Variants in TMEM178B observed in about 807,000 individuals in gnomAD.
TMEM178B encodes the protein transmembrane protein 178B.
Under a neutral mutation model 31.0 loss-of-function variants are expected in TMEM178B, and 5 were observed. The ratio of observed to expected loss-of-function variants is 0.16; its 90% CI spans 0.08 to 0.34. The LOEUF (loss-of-function observed/expected upper bound fraction) is 0.34. Ranked by LOEUF, TMEM178B falls within the 10% of genes least tolerant of loss-of-function variation. TMEM178B has a pLI of 1.00. For synonymous variants in TMEM178B, 164 were observed against 164.0 expected (o/e 1.00, Z 0.00); for missense variants, 275 against 400.3 (o/e 0.69, Z 2.67).
chr7:141,254,195 A>T (rs1006842587), intron 2 of TMEM178B, among the ~76,000 whole-genome samples: 3 of 152,136 alleles, frequency 2.0e-5, no homozygotes, highest in Admixed American at 2.0e-4. Flanking sequence ...TTTGATTGGC[A>T]TCTGAGGATG....
intron 2 of TMEM178B, among the ~76,000 whole-genome samples, chr7:141,331,323 G>A (rs182655812): frequency 1.9e-4 from 29 of 152,326 alleles, no homozygotes; most frequent in Non-Finnish European, 2.6e-4. Flanking sequence ...AAGACGCAAA[G>A]GTGATCAGGG....
At chr7:141,159,067 C>G (rs1796123228) in intron 1 of TMEM178B, among the ~76,000 whole-genome samples, 1 of 152,068 alleles carries the variant, frequency 6.6e-6, no homozygotes, top group South Asian at 2.1e-4. Flanking sequence ...CACCATGCAT[C>G]CAGGGACTCA....
Position 141,254,526 on chromosome 7 carries a change from C to T in TMEM178B, c.496+41822C>T, listed in dbSNP as rs182885379. Among the ~76,000 whole-genome samples, 323 of 152,088 alleles carry T rather than the reference C, an allele frequency of 2.1e-3. 1 individual carries two copies. The highest frequency in any genetic ancestry group is 0.017 in the South Asian group (81 of 4,810). On this transcript the variant is annotated intron_variant, in intron 2 of 3. Coordinates refer to ENST00000565468, the MANE Select transcript of TMEM178B (RefSeq NM_001195278.2). ...TGAGGTCAGGAGTTCGAGACCAGCCCGGCTAACATGGTGACACCCCATCTC... is the reference window on the plus strand; with the variant it reads ...TGAGGTCAGGAGTTCGAGACCAGCCTGGCTAACATGGTGACACCCCATCTC...
intron 1 of TMEM178B, among the ~76,000 whole-genome samples, chr7:141,185,322 T>C (rs1796592649): frequency 6.6e-6 from 1 of 152,176 alleles, no homozygotes; most frequent in South Asian, 2.1e-4. Context: ...AGATCACACA[T>C]GGGCTTGGAG....
Position 141,100,788 on chromosome 7 carries a change from A to G in TMEM178B, c.382+26096A>G, listed in dbSNP as rs544689069. Reference sequence around the variant, plus strand: ...ACATATATATGTAGAATGTGTGACAATAAACTGATTTTCTTATGTGGCTCA... The same window carrying G: ...ACATATATATGTAGAATGTGTGACAGTAAACTGATTTTCTTATGTGGCTCA... On this transcript the variant is annotated intron_variant, in intron 1 of 3. Coordinates refer to ENST00000565468, the MANE Select transcript of TMEM178B (RefSeq NM_001195278.2). Among the ~76,000 whole-genome samples the G allele has an allele frequency of 1.2e-4, 19 of 152,356 alleles. No individual in the cohort carries two copies. The South Asian group carries it at 3.7e-3, about 30-fold the overall frequency.
At chr7:141,287,244 G>A (rs1339559533) in intron 2 of TMEM178B, among the ~76,000 whole-genome samples, 1 of 152,094 alleles carries the variant, frequency 6.6e-6, no homozygotes, top group Non-Finnish European at 1.5e-5. Context: ...CCAAATTAGT[G>A]GTTCATCTTC....
At chr7:141,085,509 G>A (rs1261764066) in intron 1 of TMEM178B, among the ~76,000 whole-genome samples, 2 of 146,776 alleles carry the variant, frequency 1.4e-5, no homozygotes, top group Non-Finnish European at 3.0e-5. Context: ...CCAAGAAAAG[G>A]CAATTTACTT....
chr7:141,147,413 C>T (rs537119277), intron 1 of TMEM178B, among the ~76,000 whole-genome samples: 6 of 152,168 alleles, frequency 3.9e-5, no homozygotes, highest in Admixed American at 3.3e-4. Flanking sequence ...ACTTTTATCT[C>T]AGAGGAATCT....
At chr7:141,177,801 T>G (rs1464049986) in intron 1 of TMEM178B, among the ~76,000 whole-genome samples, 2 of 152,214 alleles carry the variant, frequency 1.3e-5, no homozygotes, top group African/African-American at 4.8e-5. Context: ...TTGGTAAATA[T>G]TCCTTCATCC....
At chr7:141,324,620 C>T (rs1358297337) in intron 2 of TMEM178B, among the ~76,000 whole-genome samples, 1 of 151,612 alleles carries the variant, frequency 6.6e-6, no homozygotes, top group African/African-American at 2.4e-5. Context: ...CAGCTCTTCT[C>T]ATTTAAAGCA....
At chr7:141,077,670 A>C (rs1794620978) in intron 1 of TMEM178B, among the ~76,000 whole-genome samples, 1 of 152,234 alleles carries the variant, frequency 6.6e-6, no homozygotes, top group Non-Finnish European at 1.5e-5. Context: ...TGTTAAATAC[A>C]TTCACCAGAT....
intron 2 of TMEM178B, among the ~76,000 whole-genome samples, chr7:141,240,766 C>T (rs1797603821): frequency 6.6e-6 from 1 of 152,224 alleles, no homozygotes. Context: ...CAATTGCTTT[C>T]TCATCCTCTA....
intron 2 of TMEM178B, among the ~76,000 whole-genome samples, chr7:141,394,043 A>G (rs905397767): frequency 4.6e-5 from 7 of 151,542 alleles, no homozygotes; most frequent in African/African-American, 1.7e-4. Context: ...TCCTCAGTGA[A>G]TCAGTGGCAA....
intron 2 of TMEM178B, among the ~76,000 whole-genome samples, chr7:141,408,947 T>C (rs554982288): frequency 6.6e-6 from 1 of 152,022 alleles, no homozygotes; most frequent in Non-Finnish European, 1.5e-5. Context: ...CTGACTGTCA[T>C]GAAAGGTGTA....
chr7:141,201,472 G>A (rs1586822756), intron 1 of TMEM178B, among the ~76,000 whole-genome samples: 1 of 152,202 alleles, frequency 6.6e-6, no homozygotes, highest in East Asian at 1.9e-4. Context: ...ATATTTATGG[G>A]CTGTTGTATG....
At chr7:141,451,848 CT>C (rs1324865515) in intron 3 of TMEM178B, among the ~76,000 whole-genome samples, 1 of 152,170 alleles carries the variant, frequency 6.6e-6, no homozygotes, top group Non-Finnish European at 1.5e-5. Context: ...CCCACTTCAT[CT>C]CTTGGAGTCT....
Position 141,266,721 on chromosome 7 carries a change from C to T in TMEM178B, c.496+54017C>T, listed in dbSNP as rs577532593. ...TCAGGACTAAGGATGACTTGTGTAA[C>T]GCTAAGGCATGAAAAGGGAGTTATT... On this transcript the variant is annotated intron_variant, in intron 2 of 3. Coordinates refer to ENST00000565468, the MANE Select transcript of TMEM178B (RefSeq NM_001195278.2). Among the ~76,000 whole-genome samples, 117 of 152,222 alleles carry T rather than the reference C, an allele frequency of 7.7e-4. 1 individual carries two copies. The South Asian group carries it at 0.017, about 22-fold the overall frequency.
At chr7:141,466,391 C>T (rs1419288726) in intron 3 of TMEM178B, among the ~76,000 whole-genome samples, 3 of 152,196 alleles carry the variant, frequency 2.0e-5, no homozygotes, top group African/African-American at 7.2e-5. Context: ...CGGACCTTAT[C>T]CCTTCACTCC....
chr7:141,389,652 A>G (rs1800498742), intron 2 of TMEM178B, among the ~76,000 whole-genome samples: 2 of 152,250 alleles, frequency 1.3e-5, no homozygotes, highest in African/African-American at 2.4e-5. Flanking sequence ...TGTCAAAGTC[A>G]TCAATAGAAT....
Sources: allele counts gnomAD v4.1 joint callset (sites outside exome capture counted in the v4.1 genomes callset), GRCh38; gene constraint gnomAD v4.1.1; transcripts MANE v1.5; gene names NCBI Gene and HGNC (gene_info 2026-07-23, HGNC 2026-07-21).